The following TBRG4 variants were observed in gnomAD, a reference collection of about 807,000 sequenced individuals.
TBRG4 encodes FAST kinase domain-containing protein 4.
Under a neutral mutation model 65.6 loss-of-function variants are expected in TBRG4, and 43 were observed. The ratio of observed to expected loss-of-function variants is 0.66; its 90% confidence interval spans 0.51 to 0.85. The LOEUF (loss-of-function observed/expected upper bound fraction) is 0.85, where lower values mean the gene tolerates loss of function less well. TBRG4 is among the 40% of genes least tolerant of loss of function. The pLI, the probability that TBRG4 is intolerant of heterozygous loss-of-function variation, is 0.00. For missense variants in TBRG4, 709 were observed against 787.9 expected (o/e 0.90, Z 1.20); for synonymous variants, 366 against 341.4 (o/e 1.07, Z -0.79).
At position 45,104,274 on chromosome 7, in the gene TBRG4, T is replaced by C; in HGVS notation, c.908-18A>G. The C allele has an allele frequency of 1.9e-6, 3 of 1,613,332 alleles. No homozygotes were observed. The highest frequency in any genetic ancestry group is 2.5e-6 in the Non-Finnish European group (3 of 1,179,694). On this transcript the variant is annotated intron_variant, in intron 4 of 10. Transcript: ENST00000258770. ...GAGTTTGCCTTCAGGACAGAGCAGA[T>C]CACAGGGTTTAGCTGGAGAGAGTCA...
chr7:45,101,171 C>T (rs1784752211), intron 10 of TBRG4, 87 bp downstream of exon 10: 2 of 1,360,526 alleles, frequency 1.5e-6, no homozygotes, highest in South Asian at 1.3e-5. Flanking sequence ...GTGTCTATAC[C>T]TGCTGGCTCA....
At chr7:45,107,956 G>C (rs986776138) in intron 2 of TBRG4, among the ~76,000 whole-genome samples, 1 of 152,160 alleles carries the variant, frequency 6.6e-6, no homozygotes, top group African/African-American at 2.4e-5. Flanking sequence ...TAGAACAAAA[G>C]TTCCATGAGA....
At chr7:45,105,215 G>A in intron 3 of TBRG4, 1 of 612,076 alleles carries the variant, frequency 1.6e-6, no homozygotes, top group Non-Finnish European at 2.9e-6. Flanking sequence ...GCCTGTGTTG[G>A]GAGGAGCAAG....
chr7:45,101,259 T>C lies in TBRG4; in HGVS notation c.1793A>G (p.Asp598Gly), dbSNP rs1784755837. 6.2e-7 allele frequency: 1 copy of C among 1,612,382 alleles called. No homozygotes were observed. Among genetic ancestry groups the C allele is most frequent in the African/African-American group, 1.3e-5 (1 of 74,892 alleles). The change falls in exon 10 of 11, where the codon GAC becomes GGC. Residue 598 changes from aspartate to glycine, a missense_variant and splice_region_variant. Transcript: ENST00000258770. The stretch of plus-strand genomic sequence containing the variant: ...ACCACCTGCCCAAGAGGTACTCACG[T>C]CCACTATCAGGAAGCCTGCAGCCAC... ...HIVAAGFLIVDVPFYEWLELK... is the reference protein window; with the variant it reads ...HIVAAGFLIVGVPFYEWLELK...
intron 3 of TBRG4, 33 bp from the exon 4 acceptor site, chr7:45,104,742 A>G: frequency 2.5e-6 from 4 of 1,606,518 alleles, no homozygotes; most frequent in Non-Finnish European, 3.4e-6. Flanking sequence ...GGTCAGCTCA[A>G]TGGCCTGGGG....
intron 5 of TBRG4, 51 bp from the exon 6 acceptor site, chr7:45,103,494 C>A: frequency 6.9e-7 from 1 of 1,454,442 alleles, no homozygotes; most frequent in African/African-American, 1.4e-5. Context: ...CTGCCCAGCA[C>A]GCTGTCCTCC....
At chr7:45,105,315 CAG>C (rs2128645529) in intron 3 of TBRG4, 124 bp downstream of exon 3, 1 of 1,101,008 alleles carries the variant, frequency 9.1e-7, no homozygotes, top group Middle Eastern at 3.0e-4. Context: ...AGGCTCCAGA[CAG>C]AAGCTCCCAG....
chr7:45,101,240 T>G lies in TBRG4; in HGVS notation c.1794+18A>C, dbSNP rs1784755073. ...GGATTCTCCCTGTGCAGTGACCACCTGCCCAAGAGGTACTCACGTCCACTA... is the reference window on the plus strand; with the variant it reads ...GGATTCTCCCTGTGCAGTGACCACCGGCCCAAGAGGTACTCACGTCCACTA... On this transcript the variant is annotated intron_variant, in intron 10 of 10. Coordinates refer to ENST00000258770, the MANE Select transcript of TBRG4 (RefSeq NM_004749.4). 1 of 1,608,334 alleles carries G rather than the reference T, an allele frequency of 6.2e-7. No homozygotes were observed. Among genetic ancestry groups the G allele is most frequent in the East Asian group, 2.2e-5 (1 of 44,734 alleles).
chr7:45,110,089 A>C (rs1036070497), intron 1 of TBRG4, among the ~76,000 whole-genome samples: 20 of 151,776 alleles, frequency 1.3e-4, no homozygotes, highest in African/African-American at 1.9e-4. Flanking sequence ...GCCTACTAAA[A>C]CCCCCCCACC....
At chr7:45,106,148 G>T in intron 2 of TBRG4, 1 of 502,226 alleles carries the variant, frequency 2.0e-6, no homozygotes, top group Non-Finnish European at 4.0e-6. Flanking sequence ...CAGATCCAAG[G>T]GTACACCTCT....
intron 4 of TBRG4, 23 bp downstream of exon 4, chr7:45,104,515 A>G: frequency 1.2e-6 from 2 of 1,613,452 alleles, no homozygotes; most frequent in South Asian, 2.2e-5. Flanking sequence ...CCCTCTCTCC[A>G]CCGTTCTGTC....
chr7:45,101,833 C>A lies in TBRG4; in HGVS notation c.1559G>T (p.Trp520Leu). The A allele has an allele frequency of 6.2e-7, 1 of 1,606,040 alleles. No homozygotes were observed. The highest frequency in any genetic ancestry group is 1.1e-5 in the South Asian group (1 of 91,030). The change falls in exon 8 of 11, where the codon TGG becomes TTG. Residue 520 changes from tryptophan to leucine, a missense_variant. By Grantham distance (61) the Trp-to-Leu change is moderately conservative. Transcript: ENST00000258770. ...CCAGGGGGAGCCCTCACCCAGCACCCAGCCATACTGCGTGGCCACCTCGAG... is the reference window on the plus strand; with the variant it reads ...CCAGGGGGAGCCCTCACCCAGCACCAAGCCATACTGCGTGGCCACCTCGAG... The part of the protein sequence containing the change: ...GSLEVATQYG[W>L]VLDAEVLLDS...
chr7:45,101,533 C>T lies in TBRG4; in HGVS notation c.1649G>A (p.Gly550Glu). 1.9e-6 allele frequency: 3 copies of T among 1,613,788 alleles called. No individual in the cohort carries two copies. Among genetic ancestry groups the T allele is most frequent in the South Asian group, 1.1e-5 (1 of 91,028 alleles). The change falls in exon 9 of 11, where the codon GGG becomes GAG. Residue 550 changes from glycine to glutamate, a missense_variant. Transcript: ENST00000258770. ...AGACCCTGGAGGTGGTGACTGGCTC[C>T]CAGTTGGCTGGGCAAGGTGAGGTGC... is the stretch of plus-strand genomic sequence containing the variant. The part of the protein sequence containing the change: ...FVAPHLAQPT[G>E]SQSPPPGSKR...
chr7:45,100,823 G>C (rs970184048), intron 10 of TBRG4, among the ~76,000 whole-genome samples: 2 of 152,248 alleles, frequency 1.3e-5, no homozygotes. Flanking sequence ...AGGTCTCCCA[G>C]GTGTGAAACC....
chr7:45,105,219 G>A (rs964199270), intron 3 of TBRG4: 12 of 612,214 alleles, frequency 2.0e-5, no homozygotes, highest in African/African-American at 9.2e-5. Flanking sequence ...GTGTTGGGAG[G>A]AGCAAGTGGT....
intron 1 of TBRG4, among the ~76,000 whole-genome samples, chr7:45,110,462 C>A (rs1785092771): frequency 6.6e-6 from 1 of 152,066 alleles, no homozygotes; most frequent in Non-Finnish European, 1.5e-5. Flanking sequence ...GTCAGGAGAT[C>A]GAGACCATCC....
rs765528128 is a variant in TBRG4, at chr7:45,102,261, C to T, written c.1321+86G>A. 19 of 1,586,144 alleles carry T rather than the reference C, an allele frequency of 1.2e-5. No homozygotes were observed. The Admixed American group carries it at 1.7e-4, about 14-fold the overall frequency. ...GAGGGGGAGGGAGAGCCCTGGCCTC[C>T]ATCTGCCCCAAATTCTCACCTGGCA... On this transcript the variant is annotated intron_variant, in intron 7 of 10. Coordinates refer to ENST00000258770, the MANE Select transcript of TBRG4 (RefSeq NM_004749.4).
At position 45,103,436 on chromosome 7, in the gene TBRG4, A is replaced by G. The variant is rs1469511941; in HGVS notation, c.1073T>C (p.Leu358Pro). The change falls in exon 6 of 11, where the codon CTG becomes CCG. Residue 358 changes from leucine (L) to proline (P), a missense_variant. Coordinates refer to ENST00000258770, the MANE Select transcript of TBRG4 (RefSeq NM_004749.4). Reference protein sequence around the residue: ...PLFEAFAQHVLNRAQDITLPH... With the variant: ...PLFEAFAQHVPNRAQDITLPH... ...CAGGGTGATGTCCTGCGCTCTGTTC[A>G]GGACGTGCTGGGTGGGTCAGAAATA... is the stretch of plus-strand genomic sequence containing the variant. 1.9e-6 allele frequency: 3 copies of G among 1,612,804 alleles called. No individual in the cohort carries two copies. In the African/African-American group the frequency reaches 4.0e-5, roughly 22 times the overall value.
rs185067008 is a variant in TBRG4 at position 45,111,683 on chromosome 7, T to A, written c.-91A>T. Reference sequence around the variant, plus strand: ...GCTGACCTCCATCCGCCGCCCTAACTGTCCCCGGAACCATGAGGTGCGCGG... The same window carrying A: ...GCTGACCTCCATCCGCCGCCCTAACAGTCCCCGGAACCATGAGGTGCGCGG... On this transcript the variant is annotated 5_prime_UTR_variant, in exon 1 of 11. Coordinates refer to ENST00000258770, the MANE Select transcript of TBRG4 (RefSeq NM_004749.4). 1 of 1,289,188 alleles carries A rather than the reference T, an allele frequency of 7.8e-7. No individual in the cohort carries two copies. The highest frequency in any genetic ancestry group is 1.2e-5 in the South Asian group (1 of 81,016). 79.9% of individuals were successfully genotyped at this position (1,289,188 alleles called of 1,614,324 possible).
Sources: gnomAD v4.1 joint callset for allele counts (sites outside exome capture counted in the v4.1 genomes callset) on GRCh38, gnomAD v4.1.1 for gene constraint, MANE v1.5 for transcripts, NCBI Gene and HGNC (gene_info 2026-07-23, HGNC 2026-07-21) for gene names.